Variants in UBE2C observed in about 807,000 individuals in gnomAD.
UBE2C encodes ubiquitin conjugating enzyme E2 C.
UBE2C carries 16 observed loss-of-function variants against 23.5 expected under a neutral mutation model. The ratio of observed to expected loss-of-function variants is 0.68; its 90% CI spans 0.46 to 1.03. The LOEUF is 1.03. Ranked by LOEUF, UBE2C falls within the 50% of genes least tolerant of loss-of-function variation. The pLI, the probability that UBE2C is intolerant of heterozygous loss-of-function variation, is 0.00. For synonymous variants in UBE2C, 76 were observed against 91.6 expected (o/e 0.83, Z 0.97); for missense variants, 192 against 227.6 (o/e 0.84, Z 1.01).
In UBE2C at chr20:45,814,907, C is replaced by T. The variant is rs1475077023; in HGVS notation, c.216+437C>T. On this transcript the variant is annotated intron_variant, in intron 3 of 5. Transcript: ENST00000356455. ...ACTGCGGACTGCAGTGGCGCAATCT[C>T]GGCTCACTGCAAGCTCCGCTTCCCG... Among the ~76,000 whole-genome samples the T allele has an allele frequency of 3.3e-5, 5 of 150,680 alleles. No individual in the cohort carries two copies. In the East Asian group the frequency reaches 5.8e-4, roughly 18 times the overall value.
chr20:45,815,271 C>A, intron 3 of UBE2C: 2 of 1,028,078 alleles, frequency 1.9e-6, no homozygotes, highest in Non-Finnish European at 2.8e-6. Context: ...GTAATCTCAG[C>A]ACTTTGGGAG....
At chr20:45,813,414 A>G (rs771400546) in intron 1 of UBE2C, 23 bp from the exon 2 acceptor site, 5 of 1,614,092 alleles carry the variant, frequency 3.1e-6, no homozygotes, top group Non-Finnish European at 4.2e-6. Flanking sequence ...ACTCCCAGGT[A>G]ACCCCGAATA....
rs371616231 is a variant in UBE2C at position 45,815,581 on chromosome 20, C to A, written c.257C>A (p.Pro86His). The change falls in exon 4 of 6, where the codon CCC (proline) becomes CAC (histidine). Residue 86 changes from proline (P) to histidine (H), a missense_variant. Transcript: ENST00000356455. ...AGGTATAAGCTCTCGCTAGAGTTCC[C>A]CAGTGGCTACCCTTACAATGCGCCC... ...DLRYKLSLEFPSGYPYNAPTV... is the reference protein window; with the variant it reads ...DLRYKLSLEFHSGYPYNAPTV... 2.5e-6 allele frequency: 4 copies of A among 1,614,074 alleles called. No homozygotes were observed. The highest frequency in any genetic ancestry group is 3.4e-6 in the Non-Finnish European group (4 of 1,180,020).
At position 45,812,797 on chromosome 20, in the gene UBE2C, G is replaced by C. The variant is rs745835668; in HGVS notation, c.101+1G>C. On this transcript the variant is annotated splice_donor_variant, in intron 1 of 5. Transcript: ENST00000356455. LOFTEE classifies it high-confidence loss of function. Reference sequence around the variant, plus strand: ...CCGCCCGGGGTCCGGTGGGCAAAAGGTGAGTGATGCGGCCTACCACTCGCC... The same window carrying C: ...CCGCCCGGGGTCCGGTGGGCAAAAGCTGAGTGATGCGGCCTACCACTCGCC... The C allele has an allele frequency of 9.6e-6, 15 of 1,555,116 alleles. No homozygotes were observed. The highest frequency in any genetic ancestry group is 1.3e-5 in the Non-Finnish European group (15 of 1,149,488).
intron 3 of UBE2C, chr20:45,815,326 C>T: frequency 2.6e-6 from 4 of 1,521,286 alleles, no homozygotes; most frequent in Non-Finnish European, 3.5e-6. Context: ...TGAGACTGGC[C>T]TGGGCAACAT....
At chr20:45,814,931 C>T (rs796205347) in intron 3 of UBE2C, among the ~76,000 whole-genome samples, 10 of 110,578 alleles carry the variant, frequency 9.0e-5, no homozygotes, top group African/African-American at 3.9e-4. Flanking sequence ...CTCCGCTTCC[C>T]GGGTTCACGC....
chr20:45,812,765 G>C lies in UBE2C; in HGVS notation c.70G>C (p.Gly24Arg). The C allele has an allele frequency of 6.4e-7, 1 of 1,557,552 alleles. No homozygotes were observed. The highest frequency in any genetic ancestry group is 8.7e-7 in the Non-Finnish European group (1 of 1,150,714). Residue 24 changes from glycine (G) to arginine (R), a missense_variant, in exon 1 of 6, where the codon GGG (glycine) becomes CGG (arginine). Gly to Arg is a moderately radical substitution (Grantham distance 125). Coordinates refer to ENST00000356455, the MANE Select transcript of UBE2C (RefSeq NM_007019.4). ...CGCCCGTAAAGGAGCTGAGCCGAGCGGGGGCGCCGCCCGGGGTCCGGTGGG... is the reference window on the plus strand; with the variant it reads ...CGCCCGTAAAGGAGCTGAGCCGAGCCGGGGCGCCGCCCGGGGTCCGGTGGG... ...AAARKGAEPS[G>R]GAARGPVGKR... is the part of the protein sequence containing the mutation.
chr20:45,812,854 G>T, intron 1 of UBE2C, 58 bp downstream of exon 1: 1 of 1,506,582 alleles, frequency 6.6e-7, no homozygotes, highest in Non-Finnish European at 8.9e-7. Context: ...TTGGTACCCA[G>T]AGCAAAGATT....
intron 2 of UBE2C, 92 bp from the exon 3 acceptor site, chr20:45,814,281 TATATATATATA>T: frequency 2.2e-5 from 1 of 45,726 alleles, no homozygotes. Flanking sequence ...CATATATATA[TATATATATATA>T]TATATATAAA....
At chr20:45,813,183 CAAGG>C in intron 1 of UBE2C, 2 of 1,413,584 alleles carry the variant, frequency 1.4e-6, no homozygotes, top group Non-Finnish European at 1.8e-6. Flanking sequence ...TTGAGTCGGG[CAAGG>C]AAGAGATGCT....
rs1568716411 is a variant in UBE2C, at chr20:45,815,846, ACC to A, written c.422-6_422-5del. 6.2e-7 allele frequency: 1 copy of A among 1,613,568 alleles called. No individual in the cohort carries two copies. Among genetic ancestry groups the A allele is most frequent in the South Asian group, 1.1e-5 (1 of 91,054 alleles). On this transcript the variant is annotated splice_region_variant and splice_polypyrimidine_tract_variant and intron_variant, in intron 4 of 5. Transcript: ENST00000356455. ...CCGCCTTGACCTTCTCTTTCTCTCC[ACC>A]CACAGAACCCAACATTGATAGTCCC...
Position 45,816,951 on chromosome 20 carries a change from T to TA in UBE2C, c.*185dup. The TA allele has an allele frequency of 1.9e-6, 1 of 521,612 alleles. No homozygotes were observed. The highest frequency in any genetic ancestry group is 3.3e-6 in the Non-Finnish European group (1 of 299,704). The allele number at this position is 521,612 out of a possible 1,614,324, so 32.3% of individuals were successfully genotyped here. A position where few individuals can be genotyped will look rare whatever the true frequency, so the allele number is the denominator to read the frequency against. On this transcript the variant is annotated 3_prime_UTR_variant, in exon 6 of 6. Transcript: ENST00000356455. ...AAATAAATGCATTTTTGTCCTTTTT[T>TA]AGACAAGTTGTTGCGTTGTAATTTC...
chr20:45,815,822 C>T (rs375269106), intron 4 of UBE2C, 32 bp from the exon 5 acceptor site: 31 of 1,613,810 alleles, frequency 1.9e-5, no homozygotes, highest in African/African-American at 1.9e-4. Flanking sequence ...CCTCTTCTAC[C>T]GCCTTGACCT....
In UBE2C at chr20:45,816,709, C is replaced by G. The variant is rs774676127; in HGVS notation, c.482C>G (p.Ala161Gly). 2.5e-6 allele frequency: 4 copies of G among 1,613,570 alleles called. No homozygotes were observed. In the East Asian group the frequency reaches 6.7e-5, roughly 27 times the overall value. ...CTGAGACCTGCCTGTTCTCTTCCAG[C>G]TTTTAAGAAGTACCTGCAAGAAACC... ...HAAELWKNPT[A>G]FKKYLQETYS... Residue 161 changes from alanine (A) to glycine (G), a missense_variant and splice_region_variant, in exon 6 of 6, where the codon GCT (alanine) becomes GGT (glycine). By Grantham distance (60) the Ala-to-Gly change is moderately conservative (BLOSUM62 0). Transcript: ENST00000356455.
At position 45,813,467 on chromosome 20, in the gene UBE2C, G is replaced by T; in HGVS notation, c.129+3G>T. On this transcript the variant is annotated splice_donor_region_variant and intron_variant, in intron 2 of 5. Transcript: ENST00000356455. ...AGCAGGAGCTGATGACCCTCATGGT[G>T]AGTGATTAAGTGCCCAGAACCCCAG... is the stretch of plus-strand genomic sequence containing the variant. 1 of 1,614,146 alleles carries T rather than the reference G, an allele frequency of 6.2e-7. No homozygotes were observed.
At chr20:45,813,312 C>T in intron 1 of UBE2C, 125 bp from the exon 2 acceptor site, 1 of 1,590,108 alleles carries the variant, frequency 6.3e-7, no homozygotes, top group Non-Finnish European at 8.5e-7. Context: ...CTGAGCTGAG[C>T]CTGACCTTGG....
At chr20:45,813,220 T>G in intron 1 of UBE2C, 1 of 1,461,112 alleles carries the variant, frequency 6.8e-7, no homozygotes, top group Non-Finnish European at 9.0e-7. Flanking sequence ...ATTAAGAACA[T>G]GCCAGAATCA....
chr20:45,814,568 C>T lies in UBE2C; in HGVS notation c.216+98C>T, dbSNP rs114194624. On this transcript the variant is annotated intron_variant, in intron 3 of 5. Transcript: ENST00000356455. ...TTCAAGCCTTTGGCGGAGCAAGACA[C>T]TCCTCCTGTGACTGTTTACATTCTC... The T allele has an allele frequency of 4.6e-3, 4,040 of 886,016 alleles. 126 individuals carry two copies. In the African/African-American group the frequency reaches 0.061, roughly 13 times the overall value. 54.9% of individuals were successfully genotyped at this position (886,016 alleles called of 1,614,324 possible).
Position 45,814,546 on chromosome 20 carries a change from A to C in UBE2C, c.216+76A>C, listed in dbSNP as rs1479881516. On this transcript the variant is annotated intron_variant, in intron 3 of 5. Coordinates refer to ENST00000356455, the MANE Select transcript of UBE2C (RefSeq NM_007019.4). Reference sequence around the variant, plus strand: ...GAGATCCAAGTGCGAGCTCTGCTTCAAGCCTTTGGCGGAGCAAGACACTCC... The same window carrying C: ...GAGATCCAAGTGCGAGCTCTGCTTCCAGCCTTTGGCGGAGCAAGACACTCC... 2.4e-6 allele frequency: 3 copies of C among 1,246,346 alleles called. No homozygotes were observed. In the African/African-American group the frequency reaches 4.6e-5, roughly 19 times the overall value. 77.2% of individuals were successfully genotyped at this position (1,246,346 alleles called of 1,614,324 possible).
Sources: gnomAD v4.1 joint callset for allele counts (sites outside exome capture counted in the v4.1 genomes callset) on GRCh38, gnomAD v4.1.1 for gene constraint, MANE v1.5 for transcripts, NCBI Gene and HGNC (gene_info 2026-07-23, HGNC 2026-07-21) for gene names.